The following KIRREL3 variants were observed in gnomAD, a reference collection of about 807,000 sequenced individuals.
KIRREL3 encodes the protein kirre like nephrin family adhesion molecule 3, also known as kin of IRRE-like protein 3.
In KIRREL3, 36 loss-of-function variants were observed where a neutral mutation model predicts 89.7. That is an observed-to-expected ratio of 0.40 (90% CI 0.31 to 0.53). The LOEUF (loss-of-function observed/expected upper bound fraction) is 0.53. KIRREL3 is among the 20% of genes least tolerant of loss of function. The probability of loss-of-function intolerance (pLI) is 0.49; values close to 1 mark genes in which losing one functional copy is unlikely to be tolerated. For synonymous variants in KIRREL3, 445 were observed against 441.4 expected, an observed-to-expected ratio of 1.01 and a Z score of -0.10; for missense variants, 864 against 1,056.6, an observed-to-expected ratio of 0.82 and a Z score of 2.53.
chr11:126,881,360 C>T (rs1945485738), intron 1 of KIRREL3, among the ~76,000 whole-genome samples: 2 of 152,118 alleles, frequency 1.3e-5, no homozygotes, highest in African/African-American at 4.8e-5. Flanking sequence ...AGCCCACAAA[C>T]GGGCTGGCAT....
rs1307346364 is a variant in KIRREL3, at chr11:126,811,276, CTCTT to C, written c.55+189175_55+189178del. ...AGTACCCTTCCCACCCGCTTTCATC[CTCTT>C]TCTTCAGAGAGAACTTTGACCCAGA... On this transcript the variant is annotated intron_variant, in intron 1 of 16. Coordinates refer to ENST00000525144, the MANE Select transcript of KIRREL3 (RefSeq NM_032531.4). This position sits in a 1 kb window ranked among gnomAD's most constrained non-coding sequence, Gnocchi z 4.3. 1.3e-5 allele frequency among the ~76,000 whole-genome samples: 2 copies of C among 152,210 alleles called. No individual in the cohort carries two copies. The highest frequency in any genetic ancestry group is 2.9e-5 in the Non-Finnish European group (2 of 68,040).
intron 11 of KIRREL3, 57 bp from the exon 12 acceptor site, chr11:126,437,066 C>G: frequency 7.0e-7 from 1 of 1,425,130 alleles, no homozygotes; most frequent in South Asian, 1.5e-5. Flanking sequence ...AGGACACGCC[C>G]ACACCAGAGT....
rs531788506 is a variant in KIRREL3, at chr11:126,577,018, G to A, written c.56-14106C>T. On this transcript the variant is annotated intron_variant, in intron 1 of 16. Coordinates refer to ENST00000525144, the MANE Select transcript of KIRREL3 (RefSeq NM_032531.4). ...CAAGGGCTCCCATAACTGAAGACCCGTGCCTTCGCTGCTGCCACTCAACCT... is the reference window on the plus strand; with the variant it reads ...CAAGGGCTCCCATAACTGAAGACCCATGCCTTCGCTGCTGCCACTCAACCT... Among the ~76,000 whole-genome samples, 42 of 152,280 alleles carry A rather than the reference G, an allele frequency of 2.8e-4. 1 individual carries two copies. In the South Asian group the frequency reaches 6.0e-3, roughly 22 times the overall value.
chr11:126,744,996 C>A lies in KIRREL3; in HGVS notation c.56-182084G>T, dbSNP rs1448056476. Among the ~76,000 whole-genome samples, 1 of 152,110 alleles carries A rather than the reference C, an allele frequency of 6.6e-6. No individual in the cohort carries two copies. The highest frequency in any genetic ancestry group is 2.4e-5 in the African/African-American group (1 of 41,412). ...CGAACTGTCTTGCTGGAAGTGTCCA[C>A]TGGGTAGTTGCATATTCTGGTTAGA... is the stretch of plus-strand genomic sequence containing the variant. On this transcript the variant is annotated intron_variant, in intron 1 of 16. Coordinates refer to ENST00000525144, the MANE Select transcript of KIRREL3 (RefSeq NM_032531.4). The surrounding 1 kb of genome is among the most constrained non-coding windows in gnomAD (Gnocchi z 4.7).
chr11:126,741,240 C>T (rs1371257732), intron 1 of KIRREL3, among the ~76,000 whole-genome samples: 2 of 152,178 alleles, frequency 1.3e-5, no homozygotes, highest in Non-Finnish European at 2.9e-5. Context: ...AGTTTTAATC[C>T]AGATGCCCAT....
intron 1 of KIRREL3, among the ~76,000 whole-genome samples, chr11:126,787,758 G>T (rs1340774017): frequency 6.6e-6 from 1 of 152,130 alleles, no homozygotes; most frequent in African/African-American, 2.4e-5. Context: ...TTCTGAGCTT[G>T]TCATACCCTC....
intron 1 of KIRREL3, among the ~76,000 whole-genome samples, chr11:126,852,772 G>T (rs901633958): frequency 6.6e-6 from 1 of 152,172 alleles, no homozygotes; most frequent in Non-Finnish European, 1.5e-5. Flanking sequence ...CTGTACTAAA[G>T]GTCCCCCGGC....
chr11:126,461,292 C>T (rs1287992175), intron 6 of KIRREL3, among the ~76,000 whole-genome samples: 1 of 152,252 alleles, frequency 6.6e-6, no homozygotes, highest in East Asian at 1.9e-4. Context: ...AGGCGGTGCT[C>T]AGACCCAGGA....
Position 126,455,266 on chromosome 11 carries a change from C to T in KIRREL3, c.848+1083G>A, listed in dbSNP as rs867723115. On this transcript the variant is annotated intron_variant, in intron 7 of 16. Transcript: ENST00000525144. The surrounding 1 kb of genome is among the most constrained non-coding windows in gnomAD (Gnocchi z 6.4). Reference sequence around the variant, plus strand: ...GGCACCCAAAAGGAGGTGAGTCTGCCCTTGAGTGCCTCCAAGGTCACTTAG... The same window carrying T: ...GGCACCCAAAAGGAGGTGAGTCTGCTCTTGAGTGCCTCCAAGGTCACTTAG... Among the ~76,000 whole-genome samples the T allele has an allele frequency of 1.4e-4, 22 of 152,182 alleles. No homozygotes were observed. In the South Asian group the frequency reaches 1.9e-3, roughly 13 times the overall value.
In KIRREL3 at chr11:126,572,045, G is replaced by A. The variant is rs1050754092; in HGVS notation, c.56-9133C>T. Among the ~76,000 whole-genome samples, 17 of 152,216 alleles carry A rather than the reference G, an allele frequency of 1.1e-4. 1 individual carries two copies. The highest frequency in any genetic ancestry group is 8.5e-4 in the Admixed American group (13 of 15,286). On this transcript the variant is annotated intron_variant, in intron 1 of 16. Transcript: ENST00000525144. ...GGAAGTCGTGACTAGTGTTTGAATG[G>A]GGCCAGATGCTCGACAGCTATGTGT...
At position 126,817,065 on chromosome 11, in the gene KIRREL3, C is replaced by T. The variant is rs2040337; in HGVS notation, c.55+183390G>A. On this transcript the variant is annotated intron_variant, in intron 1 of 16. Coordinates refer to ENST00000525144, the MANE Select transcript of KIRREL3 (RefSeq NM_032531.4). The surrounding 1 kb of genome is among the most constrained non-coding windows in gnomAD (Gnocchi z 5.7). ...AAGGTAAAGAGCATGTACTTGTAGG[C>T]TTGCAGGGAGAAAAATAACAAATGA... Among the ~76,000 whole-genome samples, 131,434 of 152,178 alleles carry T rather than the reference C, an allele frequency of 0.86. 57,101 individuals carry two copies. The highest frequency in any genetic ancestry group is 1 in the East Asian group (5,180 of 5,186).
At chr11:126,493,304 G>C (rs1019107820) in intron 4 of KIRREL3, among the ~76,000 whole-genome samples, 1 of 152,110 alleles carries the variant, frequency 6.6e-6, no homozygotes, top group Non-Finnish European at 1.5e-5. Context: ...GGTGGATCAC[G>C]AGGCCAGGAG....
chr11:126,465,592 T>C (rs949763161), intron 5 of KIRREL3, among the ~76,000 whole-genome samples: 2 of 152,192 alleles, frequency 1.3e-5, no homozygotes, highest in African/African-American at 4.8e-5. Context: ...AGAGCCTCTA[T>C]ATAGAACAGC....
chr11:126,933,840 T>C (rs1439945910), intron 1 of KIRREL3, among the ~76,000 whole-genome samples: 1 of 151,160 alleles, frequency 6.6e-6, no homozygotes, highest in Non-Finnish European at 1.5e-5. Flanking sequence ...TGGAGAGACA[T>C]TCCATTTTAA....
At position 126,441,558 on chromosome 11, in the gene KIRREL3, G is replaced by A. The variant is rs927369665; in HGVS notation, c.1253-1009C>T. 3.3e-5 allele frequency among the ~76,000 whole-genome samples: 5 copies of A among 152,210 alleles called. No individual in the cohort carries two copies. The highest frequency in any genetic ancestry group is 5.9e-5 in the Non-Finnish European group (4 of 68,040). ...GTCATGCTCCCTTTCCAATCCCTGG[G>A]GTCACAGTTGGGACTTAGATGGCAG... is the stretch of plus-strand genomic sequence containing the variant. On this transcript the variant is annotated intron_variant, in intron 10 of 16. Coordinates refer to ENST00000525144, the MANE Select transcript of KIRREL3 (RefSeq NM_032531.4). This position sits in a 1 kb window ranked among gnomAD's most constrained non-coding sequence, Gnocchi z 5.0.
At chr11:127,002,964 G>C (rs1950339936), upstream of KIRREL3, 1 of 147,074 alleles carries the variant, frequency 6.8e-6, no homozygotes, top group Admixed American at 6.7e-5. Flanking sequence ...GAAGGATCTT[G>C]TTTCGCTCTC....
chr11:126,469,074 C>T (rs1246521054), intron 5 of KIRREL3, among the ~76,000 whole-genome samples: 2 of 152,244 alleles, frequency 1.3e-5, no homozygotes, highest in East Asian at 1.9e-4. Context: ...TCTCATTCAA[C>T]TCCTCACAAG....
Position 126,605,058 on chromosome 11 carries a change from A to G in KIRREL3, c.56-42146T>C, listed in dbSNP as rs1942830044. On this transcript the variant is annotated intron_variant, in intron 1 of 16. Transcript: ENST00000525144. This position sits in a 1 kb window ranked among gnomAD's most constrained non-coding sequence, Gnocchi z 5.7. ...CACCTCAACAAAGACCCATAATCAC[A>G]GACAATGCATCGAGCCTGGTGAGGG... is the stretch of plus-strand genomic sequence containing the variant. Among the ~76,000 whole-genome samples the G allele has an allele frequency of 6.6e-6, 1 of 152,242 alleles. No homozygotes were observed. Among genetic ancestry groups the G allele is most frequent in the Non-Finnish European group, 1.5e-5 (1 of 68,044 alleles).
chr11:126,985,716 C>T lies in KIRREL3; in HGVS notation c.55+14739G>A, dbSNP rs1949846398. Among the ~76,000 whole-genome samples the T allele has an allele frequency of 6.6e-6, 1 of 152,110 alleles. No individual in the cohort carries two copies. Among genetic ancestry groups the T allele is most frequent in the Non-Finnish European group, 1.5e-5 (1 of 68,022 alleles). ...GACTTTCATTCTGAGACTCTTTGTC[C>T]TGAAGGTGTCGGGATGCTGTCAAAG... On this transcript the variant is annotated intron_variant, in intron 1 of 16. Coordinates refer to ENST00000525144, the MANE Select transcript of KIRREL3 (RefSeq NM_032531.4). This position sits in a 1 kb window ranked among gnomAD's most constrained non-coding sequence, Gnocchi z 5.3.
Sources: gnomAD v4.1 joint callset for allele counts (sites outside exome capture counted in the v4.1 genomes callset) on GRCh38, gnomAD v4.1.1 for gene constraint, Gnocchi (gnomAD v3.1) non-coding constraint, MANE v1.5 for transcripts, NCBI Gene and HGNC (gene_info 2026-07-23, HGNC 2026-07-21) for gene names.